PSTPIP2: variants seen among roughly 807,000 people sequenced by gnomAD.
PSTPIP2 encodes proline-serine-threonine phosphatase interacting protein 2, also known as proline-serine-threonine phosphatase-interacting protein 2.
PSTPIP2 carries 33 observed loss-of-function variants against 63.3 expected under a neutral mutation model. The observed-to-expected ratio is 0.52, with a 90% CI of 0.40 to 0.70. The LOEUF is 0.70. Among genes scored for constraint, PSTPIP2 ranks in the 30% least tolerant of loss-of-function variants. The pLI is 0.00. For synonymous variants in PSTPIP2, 125 were observed against 132.7 expected (o/e 0.94, Z 0.40); for missense variants, 312 against 400.7 (o/e 0.78, Z 1.89).
At chr18:46,071,229 G>T (rs1909380592) in intron 1 of PSTPIP2, among the ~76,000 whole-genome samples, 1 of 152,180 alleles carries the variant, frequency 6.6e-6, no homozygotes, top group Non-Finnish European at 1.5e-5. Flanking sequence ...CTGGGTGGGT[G>T]GTGGGGGGAG....
At position 45,993,669 on chromosome 18, in the gene PSTPIP2, A is replaced by C. The variant is rs1446773403; in HGVS notation, c.677T>G (p.Phe226Cys). 6.2e-7 allele frequency: 1 copy of C among 1,614,202 alleles called. No homozygotes were observed. Among genetic ancestry groups the C allele is most frequent in the African/African-American group, 1.3e-5 (1 of 75,062 alleles). ...ATGTAACCACAATGCATTCCGGAAG[A>C]AGTTTATTCGTTCACATTCTTGAGC... Reference protein sequence around the residue: ...FEAQECERINFFRNALWLHVN... With the variant: ...FEAQECERINCFRNALWLHVN... The change falls in exon 10 of 15, where the codon TTC becomes TGC. Residue 226 changes from phenylalanine to cysteine, a missense_variant. Phe to Cys is a radical substitution (Grantham distance 205). Coordinates refer to ENST00000409746, the MANE Select transcript of PSTPIP2 (RefSeq NM_024430.4).
chr18:46,004,339 A>G (rs890581282), intron 6 of PSTPIP2, among the ~76,000 whole-genome samples: 2 of 152,212 alleles, frequency 1.3e-5, no homozygotes, highest in African/African-American at 4.8e-5. Context: ...TTCGGTGTCA[A>G]GATGGAGTCA....
chr18:45,992,272 T>A, intron 10 of PSTPIP2, 70 bp from the exon 11 acceptor site: 5 of 1,370,164 alleles, frequency 3.6e-6, no homozygotes, highest in Non-Finnish European at 4.1e-6. Context: ...CTTAAAAACA[T>A]GGGTTTGAGG....
chr18:46,021,027 T>C (rs970691816), intron 3 of PSTPIP2, among the ~76,000 whole-genome samples: 5 of 152,264 alleles, frequency 3.3e-5, no homozygotes, highest in South Asian at 2.1e-4. Flanking sequence ...ATATTGCCAA[T>C]GGCTTATGCT....
intron 1 of PSTPIP2, among the ~76,000 whole-genome samples, chr18:46,064,220 G>A (rs1275606877): frequency 1.3e-5 from 2 of 150,450 alleles, no homozygotes; most frequent in Non-Finnish European, 3.0e-5. Flanking sequence ...GAAGGTAAGT[G>A]AGCTTTCACC....
At chr18:46,044,622 T>G (rs544289156) in intron 1 of PSTPIP2, among the ~76,000 whole-genome samples, 2 of 152,028 alleles carry the variant, frequency 1.3e-5, no homozygotes, top group African/African-American at 4.8e-5. Flanking sequence ...TCTAAAACAC[T>G]AAAAACAATG....
chr18:46,038,634 G>A (rs1599733403), intron 2 of PSTPIP2, among the ~76,000 whole-genome samples: 1 of 152,336 alleles, frequency 6.6e-6, no homozygotes. Flanking sequence ...TTAACTGGGT[G>A]TCAACACTGT....
chr18:46,066,692 T>TCATGCAAG (rs1326656097), intron 1 of PSTPIP2, among the ~76,000 whole-genome samples: 2 of 152,182 alleles, frequency 1.3e-5, no homozygotes, highest in Admixed American at 6.5e-5. Flanking sequence ...GATATTCTCC[T>TCATGCAAG]CATGCAAGAC....
chr18:46,044,589 T>A (rs1384458205), intron 1 of PSTPIP2, among the ~76,000 whole-genome samples: 1 of 152,166 alleles, frequency 6.6e-6, no homozygotes, highest in Non-Finnish European at 1.5e-5. Flanking sequence ...ATTCAGGACA[T>A]AGGCATGGGC....
chr18:46,007,371 A>G (rs2051739079), intron 5 of PSTPIP2, among the ~76,000 whole-genome samples: 1 of 152,220 alleles, frequency 6.6e-6, no homozygotes, highest in Non-Finnish European at 1.5e-5. Flanking sequence ...GGTGCTGGCC[A>G]TTCGCCTGCT....
chr18:46,003,544 G>A (rs930277508), intron 6 of PSTPIP2, among the ~76,000 whole-genome samples: 1 of 152,112 alleles, frequency 6.6e-6, no homozygotes, highest in Non-Finnish European at 1.5e-5. Context: ...CTTTTGGTTA[G>A]AGAGAACAGG....
intron 1 of PSTPIP2, among the ~76,000 whole-genome samples, chr18:46,071,851 A>G (rs563702904): frequency 6.6e-6 from 1 of 152,280 alleles, no homozygotes; most frequent in South Asian, 2.1e-4. Flanking sequence ...CGTCCTCAGG[A>G]GCACGCGCTG....
chr18:46,002,726 T>G (rs1490782659), intron 6 of PSTPIP2, among the ~76,000 whole-genome samples: 1 of 152,102 alleles, frequency 6.6e-6, no homozygotes, highest in African/African-American at 2.4e-5. Flanking sequence ...GAGGCTGAGG[T>G]AGGAGAATCA....
rs959921655 is a variant in PSTPIP2, at chr18:46,001,396, T to C, written c.418-1862A>G. On this transcript the variant is annotated intron_variant, in intron 6 of 14. Coordinates refer to ENST00000409746, the MANE Select transcript of PSTPIP2 (RefSeq NM_024430.4). ...TTGTTTGCCATTTGTATGTCTTCTT[T>C]TGAGAAATGTCTACTCAGATCCGTT... Among the ~76,000 whole-genome samples, 7 of 152,240 alleles carry C rather than the reference T, an allele frequency of 4.6e-5. No individual in the cohort carries two copies. The East Asian group carries it at 1.3e-3, about 29-fold the overall frequency.
At chr18:46,021,791 CA>C (rs1236309731) in intron 3 of PSTPIP2, among the ~76,000 whole-genome samples, 2 of 102,490 alleles carry the variant, frequency 2.0e-5, no homozygotes, top group African/African-American at 3.9e-5. Context: ...ACTAAAAATA[CA>C]AAAAATTAGC....
At chr18:46,013,676 T>C in intron 4 of PSTPIP2, among the ~76,000 whole-genome samples, 1 of 152,226 alleles carries the variant, frequency 6.6e-6, no homozygotes, top group East Asian at 1.9e-4. Context: ...GAAAGGATGC[T>C]GAGGGCACTA....
At chr18:46,053,030 A>G (rs1185461456) in intron 1 of PSTPIP2, among the ~76,000 whole-genome samples, 1 of 152,210 alleles carries the variant, frequency 6.6e-6, no homozygotes, top group Non-Finnish European at 1.5e-5. Context: ...ACATAAATAC[A>G]AAAAAGTAAT....
rs182678977 is a variant in PSTPIP2, at chr18:46,028,555, G to T, written c.135-3869C>A. ...CGTCTGCGGGGTCCGTGGGTTCAAG[G>T]ACATGAAGACTTGGGAGACTCAGAA... On this transcript the variant is annotated intron_variant, in intron 2 of 14. Coordinates refer to ENST00000409746, the MANE Select transcript of PSTPIP2 (RefSeq NM_024430.4). 5.6e-6 allele frequency: 4 copies of T among 718,754 alleles called. No homozygotes were observed. The Admixed American group carries it at 7.3e-5, about 13-fold the overall frequency. 44.5% of individuals were successfully genotyped at this position (718,754 alleles called of 1,614,324 possible).
intron 1 of PSTPIP2, among the ~76,000 whole-genome samples, chr18:46,048,127 G>C (rs1007563400): frequency 6.6e-6 from 1 of 152,112 alleles, no homozygotes; most frequent in Non-Finnish European, 1.5e-5. Context: ...TATTTACAAG[G>C]GTCCTAAGAA....
Sources: gnomAD v4.1 joint callset for allele counts (sites outside exome capture counted in the v4.1 genomes callset) on GRCh38, gnomAD v4.1.1 for gene constraint, MANE v1.5 for transcripts, NCBI Gene and HGNC (gene_info 2026-07-23, HGNC 2026-07-21) for gene names.